AIRIM: variants seen among roughly 807,000 people sequenced by gnomAD.
AIRIM encodes the protein AFG2 interacting ribosome maturation factor.
chr1:37,685,597 A>C, the AIRIM span, among the ~76,000 whole-genome samples: 1 of 151,968 alleles, frequency 6.6e-6, no homozygotes, highest in Non-Finnish European at 1.5e-5. Flanking sequence ...CATGTTGCCC[A>C]GGCTGGTCTC....
At chr1:37,687,090 G>GTT in the AIRIM span, among the ~76,000 whole-genome samples, 31 of 148,286 alleles carry the variant, frequency 2.1e-4, no homozygotes, top group South Asian at 6.4e-3. Flanking sequence ...GTGTGTGTGT[G>GTT]TGTGTGTGTG....
chr1:37,683,096 C>T, the AIRIM span: 12 of 1,605,334 alleles, frequency 7.5e-6, no homozygotes, highest in African/African-American at 6.7e-5. Flanking sequence ...CTGTGGTACC[C>T]GTGGTCTCCA....
the AIRIM span, chr1:37,686,521 CACT>C: frequency 2.0e-6 from 3 of 1,470,636 alleles, no homozygotes; most frequent in Non-Finnish European, 2.8e-6. Context: ...TCAATTTTGG[CACT>C]ACTGATATTT....
chr1:37,690,383 G>A, the AIRIM span: 11 of 1,289,640 alleles, frequency 8.5e-6, no homozygotes, highest in Middle Eastern at 2.1e-4. Flanking sequence ...TCCAAGCGCC[G>A]TCTCTTCTCT....
chr1:37,688,965 CA>C, the AIRIM span, among the ~76,000 whole-genome samples: 871 of 106,286 alleles, frequency 8.2e-3, 2 homozygotes, highest in African/African-American at 0.014. Flanking sequence ...GACCCTGTCT[CA>C]AAAAAAAAAA....
chr1:37,685,197 G>GA, the AIRIM span, among the ~76,000 whole-genome samples: 1 of 127,956 alleles, frequency 7.8e-6, no homozygotes, highest in East Asian at 2.9e-4. Flanking sequence ...TTTTTTGGGG[G>GA]GGGGGGGTGG....
the AIRIM span, chr1:37,686,479 A>C: frequency 6.2e-7 from 1 of 1,604,356 alleles, no homozygotes; most frequent in African/African-American, 1.3e-5. Context: ...GACATTAGGC[A>C]ATATCATGAG....
At chr1:37,689,492 T>C in the AIRIM span, 1 of 1,277,212 alleles carries the variant, frequency 7.8e-7, no homozygotes. Context: ...TTGAGATACC[T>C]CCACATGCCA....
the AIRIM span, chr1:37,686,213 C>T: frequency 6.8e-7 from 1 of 1,473,284 alleles, no homozygotes. Context: ...CTTGTGAAAA[C>T]TGAAATTTGA....
chr1:37,690,341 G>C, the AIRIM span: 118 of 1,290,112 alleles, frequency 9.1e-5, no homozygotes, highest in Non-Finnish European at 1.2e-4. Context: ...AACCTGGATA[G>C]GGCAGTCTCC....
At chr1:37,689,875 A>T in the AIRIM span, 1 of 1,550,414 alleles carries the variant, frequency 6.4e-7, no homozygotes, top group Non-Finnish European at 8.7e-7. Context: ...GCCGGTCTTG[A>T]GTCATCTTCT....
the AIRIM span, among the ~76,000 whole-genome samples, chr1:37,685,266 G>C: frequency 2.7e-5 from 4 of 150,076 alleles, no homozygotes; most frequent in Admixed American, 2.0e-4. Flanking sequence ...ATCACACCCA[G>C]GCTGGCAATC....
chr1:37,688,657 G>C, the AIRIM span, among the ~76,000 whole-genome samples: 2 of 152,108 alleles, frequency 1.3e-5, no homozygotes, highest in African/African-American at 4.8e-5. Context: ...ATCTGTGACA[G>C]TTTCCTATTA....
the AIRIM span, chr1:37,691,478 C>G: frequency 1.3e-5 from 2 of 152,912 alleles, no homozygotes; most frequent in Non-Finnish European, 2.9e-5. Context: ...GCTCGCCGGT[C>G]TGGCCGTCCA....
At chr1:37,683,225 C>A in the AIRIM span, 1 of 1,604,570 alleles carries the variant, frequency 6.2e-7, no homozygotes, top group Non-Finnish European at 8.5e-7. Context: ...CACACAGAGG[C>A]ACAGCAAGGG....
chr1:37,691,916 G>T, the AIRIM span: 2 of 152,524 alleles, frequency 1.3e-5, no homozygotes, highest in East Asian at 3.8e-4. Context: ...CTGGCCGCGG[G>T]ATAGCGCGCC....
the AIRIM span, chr1:37,686,596 T>C: frequency 1.3e-6 from 1 of 774,354 alleles, no homozygotes; most frequent in Non-Finnish European, 2.0e-6. Flanking sequence ...TGTAGGAGCA[T>C]GCCTGGCCCC....
chr1:37,687,671 C>T, the AIRIM span, among the ~76,000 whole-genome samples: 2 of 152,094 alleles, frequency 1.3e-5, no homozygotes, highest in African/African-American at 4.8e-5. Context: ...TTAGAGGCTA[C>T]AGTAAGCTAT....
the AIRIM span, among the ~76,000 whole-genome samples, chr1:37,689,166 G>A: frequency 2.0e-5 from 3 of 152,072 alleles, no homozygotes; most frequent in African/African-American, 7.3e-5. Context: ...CGTCACCATG[G>A]GCAATCTGCT....
Sources: allele counts gnomAD v4.1 joint callset (sites outside exome capture counted in the v4.1 genomes callset), GRCh38; gene constraint gnomAD v4.1.1; transcripts MANE v1.5; gene names NCBI Gene and HGNC (gene_info 2026-07-23, HGNC 2026-07-21).